Variants in NAV2 observed in about 807,000 individuals in gnomAD.
NAV2 encodes the protein neuron navigator 2.
Under a neutral mutation model 223.2 loss-of-function variants are expected in NAV2, and 54 were observed. The observed-to-expected ratio is 0.24, with a 90% CI of 0.19 to 0.30. The LOEUF (loss-of-function observed/expected upper bound fraction) is 0.30. Among genes scored for constraint, NAV2 ranks in the 10% least tolerant of loss-of-function variants. The probability of loss-of-function intolerance (pLI) is 1.00; values close to 1 mark genes in which losing one functional copy is unlikely to be tolerated. For synonymous variants in NAV2, 1,279 were observed against 1,239.3 expected (o/e 1.03, Z -0.67); for missense variants, 2,806 against 3,147.5 (o/e 0.89, Z 2.60).
chr11:19,392,174 C>T (rs984430315), intron 1 of NAV2, among the ~76,000 whole-genome samples: 7 of 152,150 alleles, frequency 4.6e-5, no homozygotes, highest in Middle Eastern at 3.2e-3. Flanking sequence ...TTGCCAGCTG[C>T]GTTCAAGTCC....
chr11:20,101,132 G>A lies in NAV2; in HGVS notation c.6377G>A (p.Gly2126Glu), dbSNP rs1295267758. ...VLREGRELTDGVIATFNVDHK... is the reference protein window; with the variant it reads ...VLREGRELTDEVIATFNVDHK... ...CGAGAGGGACGGGAGTTGACAGACG[G>A]GGTTATCGCCACCTTTAACGTGGAC... is the stretch of plus-strand genomic sequence containing the variant. The change falls in exon 32 of 38, where the codon GGG (glycine) becomes GAG (glutamate). Residue 2126 changes from glycine to glutamate, a missense_variant. Physicochemically the swap from Gly to Glu is moderately conservative, Grantham distance 98 (BLOSUM62 -2). Coordinates refer to ENST00000349880, the MANE Select transcript of NAV2 (RefSeq NM_145117.5). 6.2e-7 allele frequency: 1 copy of A among 1,613,990 alleles called. No individual in the cohort carries two copies. The highest frequency in any genetic ancestry group is 8.5e-7 in the Non-Finnish European group (1 of 1,180,006).
chr11:19,885,658 G>A (rs1281132789), intron 5 of NAV2, among the ~76,000 whole-genome samples: 1 of 152,128 alleles, frequency 6.6e-6, no homozygotes, highest in Non-Finnish European at 1.5e-5. Context: ...CATCATTTTA[G>A]TATACATATC....
At position 19,421,770 on chromosome 11, in the gene NAV2, T is replaced by TTTA. The variant is rs1443714957; in HGVS notation, c.75+70745_75+70746insATT. The stretch of plus-strand genomic sequence containing the variant: ...AAGTGCCTTAAGAGAGAGGCTTTTT[T>TTTA]TTTTTTTTTTTTTTTTTGCCCAAGC... On this transcript the variant is annotated intron_variant, in intron 1 of 37. Coordinates refer to the NAV2 transcript ENST00000360655. 8.3e-5 allele frequency among the ~76,000 whole-genome samples: 12 copies of TTTA among 145,138 alleles called. 1 individual carries two copies. The highest frequency in any genetic ancestry group is 1.4e-4 in the Non-Finnish European group (9 of 66,348).
At chr11:19,832,637 C>G (rs766777921) in intron 2 of NAV2, 36 bp downstream of exon 2, 1 of 1,551,542 alleles carries the variant, frequency 6.4e-7, no homozygotes, top group Non-Finnish European at 8.9e-7. Flanking sequence ...TAATGAGTTA[C>G]AGTGGAGCCA....
Position 19,697,416 on chromosome 11 carries a change from C to G in NAV2, c.76-135068C>G, listed in dbSNP as rs559429123. 2.0e-5 allele frequency among the ~76,000 whole-genome samples: 3 copies of G among 152,094 alleles called. No individual in the cohort carries two copies. In the South Asian group the frequency reaches 6.2e-4, roughly 32 times the overall value. ...CATGTAACAAATCTGCACATATATC[C>G]TTTAATCTATAATAAAATTTGAAAT... On this transcript the variant is annotated intron_variant, in intron 1 of 37. Transcript: ENST00000360655.
At chr11:19,409,004 G>A (rs1457764725) in intron 1 of NAV2, among the ~76,000 whole-genome samples, 1 of 143,970 alleles carries the variant, frequency 6.9e-6, no homozygotes, top group Non-Finnish European at 1.5e-5. Flanking sequence ...AATTAAATGG[G>A]GGGTGGGGAG....
intron 6 of NAV2, among the ~76,000 whole-genome samples, chr11:19,926,734 A>G (rs567598103): frequency 2.6e-5 from 4 of 152,344 alleles, no homozygotes; most frequent in African/African-American, 7.2e-5. Context: ...GAAATTGCAG[A>G]CATTTTCCCA....
intron 1 of NAV2, among the ~76,000 whole-genome samples, chr11:19,450,923 T>C (rs1851768571): frequency 1.3e-5 from 2 of 152,166 alleles, no homozygotes; most frequent in African/African-American, 2.4e-5. Context: ...CCTGTGGGTC[T>C]GCTGGGTGAG....
chr11:19,875,260 T>G (rs964992798), intron 4 of NAV2, among the ~76,000 whole-genome samples: 2 of 152,224 alleles, frequency 1.3e-5, no homozygotes, highest in African/African-American at 4.8e-5. Flanking sequence ...TAAATGCATT[T>G]AATACATCTA....
chr11:19,931,148 A>G lies in NAV2; in HGVS notation c.932-2028A>G, dbSNP rs148567050. On this transcript the variant is annotated intron_variant, in intron 6 of 37. Transcript: ENST00000349880. ...AACTCCTTTTCACAATGTGCTGAGC[A>G]CTGAGCCTCCTGACACCAAGCAGGC... 3.1e-3 allele frequency among the ~76,000 whole-genome samples: 468 copies of G among 152,306 alleles called. 1 individual carries two copies. The highest frequency in any genetic ancestry group is 3.1e-3 in the Non-Finnish European group (212 of 68,034).
At chr11:19,845,514 A>G (rs1487463194) in intron 3 of NAV2, among the ~76,000 whole-genome samples, 1 of 152,184 alleles carries the variant, frequency 6.6e-6, no homozygotes, top group African/African-American at 2.4e-5. Context: ...GAGCACCTTT[A>G]GGGCCCTTTA....
At chr11:19,776,736 G>A (rs1390388334) in intron 1 of NAV2, among the ~76,000 whole-genome samples, 1 of 151,282 alleles carries the variant, frequency 6.6e-6, no homozygotes, top group Non-Finnish European at 1.5e-5. Context: ...AACTGCTCCA[G>A]GGGGAGGCGG....
intron 1 of NAV2, among the ~76,000 whole-genome samples, chr11:19,528,623 G>A (rs2043919933): frequency 6.6e-6 from 1 of 150,592 alleles, no homozygotes; most frequent in African/African-American, 2.5e-5. Context: ...CTATAAAACA[G>A]TGGTTCCCAT....
chr11:19,671,686 G>A (rs569214330), intron 1 of NAV2, among the ~76,000 whole-genome samples: 1 of 152,296 alleles, frequency 6.6e-6, no homozygotes, highest in East Asian at 1.9e-4. Flanking sequence ...AATGTTTCAG[G>A]CTTTGCACGG....
intron 1 of NAV2, among the ~76,000 whole-genome samples, chr11:19,769,731 TC>T (rs2055553544): frequency 6.6e-6 from 1 of 151,780 alleles, no homozygotes; most frequent in Non-Finnish European, 1.5e-5. Flanking sequence ...GGGAAAGGTT[TC>T]CCAAGCCTCC....
intron 1 of NAV2, among the ~76,000 whole-genome samples, chr11:19,489,406 T>C (rs1437404257): frequency 6.6e-6 from 1 of 152,210 alleles, no homozygotes; most frequent in African/African-American, 2.4e-5. Flanking sequence ...CTGTGTACTA[T>C]GATGTGGGAA....
intron 1 of NAV2, among the ~76,000 whole-genome samples, chr11:19,517,181 T>G (rs2043485517): frequency 6.6e-6 from 1 of 152,232 alleles, no homozygotes; most frequent in Non-Finnish European, 1.5e-5. Context: ...TGGTTTCTCA[T>G]GCCTGTTACA....
At chr11:19,720,377 A>T (rs539057389) in intron 1 of NAV2, among the ~76,000 whole-genome samples, 1 of 152,178 alleles carries the variant, frequency 6.6e-6, no homozygotes, top group Non-Finnish European at 1.5e-5. Flanking sequence ...CCAGAGAATG[A>T]CTCATGGCTT....
chr11:19,615,251 G>T (rs1376289845), intron 1 of NAV2, among the ~76,000 whole-genome samples: 3 of 151,536 alleles, frequency 2.0e-5, no homozygotes, highest in East Asian at 3.9e-4. Flanking sequence ...AATGACCAGA[G>T]TTTTTCACAC....
Sources: allele counts gnomAD v4.1 joint callset (sites outside exome capture counted in the v4.1 genomes callset), GRCh38; gene constraint gnomAD v4.1.1; transcripts MANE v1.5; gene names NCBI Gene and HGNC (gene_info 2026-07-23, HGNC 2026-07-21).